Variants in PDXDC1 observed in about 807,000 individuals in gnomAD.
PDXDC1 encodes pyridoxal-dependent decarboxylase domain-containing protein 1.
A neutral mutation model predicts 100.1 loss-of-function variants in PDXDC1; 42 were observed. The ratio of observed to expected loss-of-function variants is 0.42; its 90% CI spans 0.33 to 0.54. The LOEUF (loss-of-function observed/expected upper bound fraction) is 0.54, where lower values mean the gene tolerates loss of function less well. Among genes scored for constraint, PDXDC1 ranks in the 20% least tolerant of loss-of-function variants. The probability of loss-of-function intolerance (pLI) is 0.10; values close to 1 mark genes in which losing one functional copy is unlikely to be tolerated. For missense variants in PDXDC1, 636 were observed against 979.2 expected, an observed-to-expected ratio of 0.65 and a Z score of 4.68; for synonymous variants, 260 against 371.7, an observed-to-expected ratio of 0.70 and a Z score of 3.46.
intron 16 of PDXDC1, among the ~76,000 whole-genome samples, chr16:15,073,880 A>C (rs1310221578): frequency 6.6e-6 from 1 of 152,134 alleles, no homozygotes; most frequent in African/African-American, 2.4e-5. Flanking sequence ...CCTTGGCCTA[A>C]GTGCTGGGAT....
intron 16 of PDXDC1, among the ~76,000 whole-genome samples, chr16:15,071,566 G>A (rs1567196244): frequency 1.3e-5 from 2 of 152,128 alleles, no homozygotes; most frequent in African/African-American, 4.8e-5. Context: ...TCAGGAGCTC[G>A]AGACCAGCCT....
In PDXDC1 at chr16:15,077,470, C is replaced by T. The variant is rs192736242; in HGVS notation, c.1399+47414C>T. Among the ~76,000 whole-genome samples, 813 of 152,182 alleles carry T rather than the reference C, an allele frequency of 5.3e-3. 6 individuals carry two copies. Among genetic ancestry groups the T allele is most frequent in the African/African-American group, 0.018 (760 of 41,504 alleles). ...CATCTTCCTCATTTTCTCTTGCCGCCACCATGTAAGAAGTGCCTTTCACCT... is the reference window on the plus strand; with the variant it reads ...CATCTTCCTCATTTTCTCTTGCCGCTACCATGTAAGAAGTGCCTTTCACCT... On this transcript the variant is annotated intron_variant, in intron 16 of 16. Coordinates refer to the PDXDC1 transcript ENST00000535621.
At chr16:15,044,583 G>T in intron 16 of PDXDC1, 1 of 606,244 alleles carries the variant, frequency 1.6e-6, no homozygotes, top group Non-Finnish European at 2.9e-6. Flanking sequence ...GGCCAGTGGC[G>T]AGCTTCTGGG....
intron 16 of PDXDC1, chr16:15,076,585 T>C (rs774801929): frequency 5.0e-6 from 8 of 1,612,502 alleles, no homozygotes; most frequent in Non-Finnish European, 5.9e-6. Flanking sequence ...CCGTGGAATC[T>C]GTCCCACCAC....
intron 16 of PDXDC1, among the ~76,000 whole-genome samples, chr16:15,072,141 A>G (rs967557319): frequency 1.3e-5 from 2 of 152,142 alleles, no homozygotes; most frequent in Non-Finnish European, 2.9e-5. Flanking sequence ...CCATGTGGGC[A>G]GACTGAATTC....
At chr16:15,094,469 A>C in intron 16 of PDXDC1, 1 of 572,802 alleles carries the variant, frequency 1.7e-6, no homozygotes, top group Non-Finnish European at 3.1e-6. Context: ...GACGGGAAGG[A>C]CCGGCTCCAT....
chr16:15,015,988 C>T (rs1251709358), intron 8 of PDXDC1, 141 bp from the exon 9 acceptor site: 1 of 1,458,038 alleles, frequency 6.9e-7, no homozygotes, highest in Admixed American at 2.6e-5. Context: ...ATTTTAAGTC[C>T]TTCCACAAAG....
At position 15,053,646 on chromosome 16, in the gene PDXDC1, C is replaced by T. The variant is rs371043952; in HGVS notation, c.1399+23590C>T. Among the ~76,000 whole-genome samples the T allele has an allele frequency of 2.0e-5, 3 of 152,084 alleles. No homozygotes were observed. In the East Asian group the frequency reaches 5.8e-4, roughly 29 times the overall value. ...ATAATCCAGGCCAGGTGGAGTGGCT[C>T]ACACCGGTAATCCCAGCACTTTGGG... On this transcript the variant is annotated intron_variant, in intron 16 of 16. Transcript: ENST00000535621.
rs745892466 is a variant in PDXDC1, at chr16:15,075,822, C to A, written c.1399+45766C>A. Among the ~76,000 whole-genome samples, 7 of 152,196 alleles carry A rather than the reference C, an allele frequency of 4.6e-5. No homozygotes were observed. The East Asian group carries it at 1.4e-3, about 29-fold the overall frequency. ...TGGTGCCGGGCCCCCTTTTGCAGGTCGGGATATCCACCTCCCCACTGCTGT... is the reference window on the plus strand; with the variant it reads ...TGGTGCCGGGCCCCCTTTTGCAGGTAGGGATATCCACCTCCCCACTGCTGT... On this transcript the variant is annotated intron_variant, in intron 16 of 16. Transcript: ENST00000535621.
intron 16 of PDXDC1, among the ~76,000 whole-genome samples, chr16:15,053,555 C>T (rs1051954329): frequency 6.6e-6 from 1 of 152,052 alleles, no homozygotes; most frequent in South Asian, 2.1e-4. Flanking sequence ...TGTAGTCATA[C>T]TTTTTTTTCT....
intron 16 of PDXDC1, chr16:15,092,736 C>T: frequency 1.5e-6 from 1 of 662,616 alleles, no homozygotes; most frequent in South Asian, 1.9e-5. Flanking sequence ...ACTGGTCTCC[C>T]TGCTTCCACT....
At position 15,065,291 on chromosome 16, in the gene PDXDC1, C is replaced by A. The variant is rs1372872668; in HGVS notation, c.1399+35235C>A. The A allele has an allele frequency of 5.6e-6, 9 of 1,613,742 alleles. No individual in the cohort carries two copies. The highest frequency in any genetic ancestry group is 6.8e-6 in the Non-Finnish European group (8 of 1,179,832). Reference sequence around the variant, plus strand: ...TGTGCAGATCTGCACTGAGTCTCCTCCAGCGGTACTCCTAATGACTGGCAG... The same window carrying A: ...TGTGCAGATCTGCACTGAGTCTCCTACAGCGGTACTCCTAATGACTGGCAG... On this transcript the variant is annotated intron_variant, in intron 16 of 16. Transcript: ENST00000535621.
Position 15,037,080 on chromosome 16 carries a change from T to C in PDXDC1, c.*805T>C, listed in dbSNP as rs1327966726. 2.0e-5 allele frequency: 3 copies of C among 152,256 alleles called. No individual in the cohort carries two copies. The highest frequency in any genetic ancestry group is 4.4e-5 in the Non-Finnish European group (3 of 68,054). The allele number at this position is 152,256 out of a possible 1,614,324, so 9.4% of individuals were successfully genotyped here. A position where few individuals can be genotyped will look rare whatever the true frequency, so the allele number is the denominator to read the frequency against. On this transcript the variant is annotated 3_prime_UTR_variant, in exon 23 of 23. Transcript: ENST00000396410. The stretch of plus-strand genomic sequence containing the variant: ...AGAGCTTGCTCTTCCGTGTGCTACG[T>C]AGCACCCACCTGGTTAAAATCTGAA...
At chr16:15,018,674 C>G in intron 11 of PDXDC1, among the ~76,000 whole-genome samples, 166 bp from the exon 12 acceptor site, 2 of 152,180 alleles carry the variant, frequency 1.3e-5, no homozygotes. Flanking sequence ...GTGAAGTTAC[C>G]TAGAATACTT....
rs771115923 is a variant in PDXDC1 at position 15,031,112 on chromosome 16, ATTTTTT to A, written c.1400-605_1400-600del. 1.8e-4 allele frequency among the ~76,000 whole-genome samples: 13 copies of A among 73,922 alleles called. No individual in the cohort carries two copies. In the East Asian group the frequency reaches 3.4e-3, roughly 19 times the overall value. 48.5% of individuals were successfully genotyped at this position (73,922 alleles called of 152,430 possible). On this transcript the variant is annotated intron_variant, in intron 16 of 22. Coordinates refer to ENST00000396410, the MANE Select transcript of PDXDC1 (RefSeq NM_015027.4). ...ACTACAGGCGAGCACCACCACATCT[ATTTTTT>A]TTTTTTTTTTTTTTTTTCCATAGAG...
At chr16:15,020,452 AGGCCGAGGTG>A (rs1472369938) in intron 12 of PDXDC1, among the ~76,000 whole-genome samples, 1 of 152,272 alleles carries the variant, frequency 6.6e-6, no homozygotes, top group Non-Finnish European at 1.5e-5. Flanking sequence ...GCACTTTGGG[AGGCCGAGGTG>A]GGCAGATCAT....
At chr16:15,087,458 T>C (rs910010140) in intron 16 of PDXDC1, among the ~76,000 whole-genome samples, 9 of 152,196 alleles carry the variant, frequency 5.9e-5, no homozygotes, top group African/African-American at 1.9e-4. Flanking sequence ...CTATCCTCTG[T>C]CCACCGTCCC....
the PDXDC1 span, among the ~76,000 whole-genome samples, chr16:15,144,882 T>C: frequency 2.0e-5 from 3 of 152,124 alleles, no homozygotes; most frequent in Admixed American, 1.3e-4. Context: ...TTCATACGTA[T>C]GCCACCTGCC....
chr16:15,083,667 A>G (rs551784165), intron 16 of PDXDC1: 44 of 1,566,502 alleles, frequency 2.8e-5, no homozygotes, highest in Non-Finnish European at 3.6e-5. Flanking sequence ...CTAAAAGCAA[A>G]TATTGATAGA....
Sources: gnomAD v4.1 joint callset for allele counts (sites outside exome capture counted in the v4.1 genomes callset) on GRCh38, gnomAD v4.1.1 for gene constraint, MANE v1.5 for transcripts, NCBI Gene and HGNC (gene_info 2026-07-23, HGNC 2026-07-21) for gene names.